RPS6KC1: variants seen among roughly 807,000 people sequenced by gnomAD.
RPS6KC1 encodes ribosomal protein S6 kinase C1, also known as inactive ribosomal protein S6 kinase delta-1.
In RPS6KC1, 54 loss-of-function variants were observed where a neutral mutation model predicts 103.8. The ratio of observed to expected loss-of-function variants is 0.52; its 90% confidence interval spans 0.42 to 0.65. The LOEUF is 0.65. RPS6KC1 is among the 30% of genes least tolerant of loss of function. The pLI, the probability that RPS6KC1 is intolerant of heterozygous loss-of-function variation, is 0.00. For synonymous variants in RPS6KC1, 439 were observed against 438.7 expected (o/e 1.00, Z -0.01); for missense variants, 1,151 against 1,253.8 (o/e 0.92, Z 1.24).
the RPS6KC1 span, among the ~76,000 whole-genome samples, chr1:213,617,708 C>T: frequency 6.6e-6 from 1 of 152,182 alleles, no homozygotes; most frequent in African/African-American, 2.4e-5. Context: ...TTGTTGGTAC[C>T]TGCTCTGTCC....
At chr1:213,055,159 G>A (rs996845231) in intron 1 of RPS6KC1, among the ~76,000 whole-genome samples, 4 of 152,144 alleles carry the variant, frequency 2.6e-5, no homozygotes, top group African/African-American at 9.7e-5. Context: ...GTATACAGTT[G>A]TGTAACTACC....
chr1:213,592,161 A>G, the RPS6KC1 span, among the ~76,000 whole-genome samples: 1 of 152,230 alleles, frequency 6.6e-6, no homozygotes, highest in African/African-American at 2.4e-5. Context: ...TGGATTTGGT[A>G]TTCAAAAACC....
At chr1:213,574,435 T>C in the RPS6KC1 span, among the ~76,000 whole-genome samples, 2 of 152,210 alleles carry the variant, frequency 1.3e-5, no homozygotes, top group Non-Finnish European at 1.5e-5. Context: ...AATGGTAGAA[T>C]TTTAGTCATT....
chr1:213,761,605 G>A, the RPS6KC1 span, among the ~76,000 whole-genome samples: 1 of 152,236 alleles, frequency 6.6e-6, no homozygotes, highest in Admixed American at 6.5e-5. Context: ...TGCTAGGAAT[G>A]GCGGACAGGC....
At chr1:213,242,503 A>G in intron 11 of RPS6KC1, 66 bp from the exon 12 acceptor site, 2 of 1,309,042 alleles carry the variant, frequency 1.5e-6, no homozygotes, top group Non-Finnish European at 2.2e-6. Context: ...AGGAGTAATT[A>G]CAGTTCACTT....
the RPS6KC1 span, among the ~76,000 whole-genome samples, chr1:213,655,131 C>G: frequency 3.9e-5 from 6 of 152,256 alleles, no homozygotes; most frequent in South Asian, 2.1e-4. Flanking sequence ...CAGCCTCCCC[C>G]TCCCAGGCTC....
At chr1:213,137,799 ATTTTTTTTTTTTTT>A (rs869154560) in intron 6 of RPS6KC1, among the ~76,000 whole-genome samples, 180 of 13,976 alleles carry the variant, frequency 0.013, no homozygotes, top group African/African-American at 0.031. Context: ...ATATATATAT[ATTTTTTTTTTTTTT>A]TTTTTTTTTT....
chr1:213,079,977 C>T (rs898736284), intron 3 of RPS6KC1, among the ~76,000 whole-genome samples: 11 of 144,194 alleles, frequency 7.6e-5, no homozygotes, highest in South Asian at 2.2e-4. Context: ...AGTGCAGTGG[C>T]GTGATCTCGG....
rs768442110 is a variant in RPS6KC1, at chr1:213,242,104, A to T, written c.2628A>T (p.Leu876=). The change falls in exon 11 of 15, where the codon CTA becomes CTT. Residue 876 remains leucine (L), a synonymous_variant. Coordinates refer to ENST00000366960, the MANE Select transcript of RPS6KC1 (RefSeq NM_012424.6). ...SETKGESGLV[L]EGDKEIHQIF... is the part of the protein sequence containing the mutation. ...CTAAGGGTGAAAGTGGTTTAGTGCT[A>T]GAAGGAGACAAGGAAATACATCAGA... 5.6e-6 allele frequency: 9 copies of T among 1,613,696 alleles called. No individual in the cohort carries two copies. Among genetic ancestry groups the T allele is most frequent in the Non-Finnish European group, 7.6e-6 (9 of 1,179,846 alleles).
the RPS6KC1 span, among the ~76,000 whole-genome samples, chr1:213,322,675 T>C: frequency 1.3e-5 from 2 of 152,188 alleles, no homozygotes; most frequent in African/African-American, 4.8e-5. Flanking sequence ...TCTAGACTTT[T>C]CCACTTTCCA....
chr1:213,272,559 T>C lies in RPS6KC1; in HGVS notation c.3126T>C (p.Ala1042=), dbSNP rs749633441. ...LQFNPLERLG[A]GVAGVEDIKS... ...TCAATCCTCTGGAACGACTTGGTGC[T>C]GGAGTTGCTGGTGTTGAAGATATCA... Residue 1042 remains alanine (A), a synonymous_variant, in exon 15 of 15, where the codon GCT becomes GCC. Transcript: ENST00000366960. 3.1e-6 allele frequency: 5 copies of C among 1,614,108 alleles called. No individual in the cohort carries two copies. Among genetic ancestry groups the C allele is most frequent in the Non-Finnish European group, 4.2e-6 (5 of 1,179,930 alleles).
At chr1:213,793,250 C>T in the RPS6KC1 span, among the ~76,000 whole-genome samples, 4 of 152,222 alleles carry the variant, frequency 2.6e-5, no homozygotes, top group Non-Finnish European at 4.4e-5. Context: ...CTTCTCTCTC[C>T]TCCATCCAGC....
At chr1:213,820,380 GACA>G in the RPS6KC1 span, 1 of 152,290 alleles carries the variant, frequency 6.6e-6, no homozygotes, top group Non-Finnish European at 1.5e-5. Context: ...AAGAAAGTAA[GACA>G]AATTGAGCTA....
At chr1:213,681,368 T>A in the RPS6KC1 span, among the ~76,000 whole-genome samples, 1 of 152,176 alleles carries the variant, frequency 6.6e-6, no homozygotes, top group Non-Finnish European at 1.5e-5. Context: ...TTATTGCATT[T>A]GAAAACCCAA....
At chr1:213,416,545 G>C in the RPS6KC1 span, among the ~76,000 whole-genome samples, 1 of 152,200 alleles carries the variant, frequency 6.6e-6, no homozygotes, top group African/African-American at 2.4e-5. Context: ...CACTGGGGTG[G>C]TAAGCCGGGG....
the RPS6KC1 span, among the ~76,000 whole-genome samples, chr1:213,563,136 A>G: frequency 2.0e-5 from 3 of 152,132 alleles, no homozygotes; most frequent in East Asian, 5.8e-4. Context: ...TTTGTTTCAT[A>G]TATTTCAGAG....
chr1:213,671,146 C>T, the RPS6KC1 span, among the ~76,000 whole-genome samples: 3 of 152,150 alleles, frequency 2.0e-5, no homozygotes, highest in African/African-American at 7.2e-5. Context: ...CATTGATGGA[C>T]ACCTAGGTTA....
chr1:213,624,466 G>T, the RPS6KC1 span, among the ~76,000 whole-genome samples: 6 of 152,212 alleles, frequency 3.9e-5, no homozygotes, highest in Admixed American at 2.0e-4. Flanking sequence ...GACTTGAAAG[G>T]ATTAACTGCA....
chr1:213,454,856 C>A, the RPS6KC1 span, among the ~76,000 whole-genome samples: 1 of 152,184 alleles, frequency 6.6e-6, no homozygotes, highest in South Asian at 2.1e-4. Flanking sequence ...TAAAAATACA[C>A]GGCAGAGCTA....
Sources: allele counts gnomAD v4.1 joint callset (sites outside exome capture counted in the v4.1 genomes callset), GRCh38; gene constraint gnomAD v4.1.1; transcripts MANE v1.5; gene names NCBI Gene and HGNC (gene_info 2026-07-23, HGNC 2026-07-21).